DPP6: variants seen among roughly 807,000 people sequenced by gnomAD.
DPP6 encodes A-type potassium channel modulatory protein DPP6.
A neutral mutation model predicts 122.6 loss-of-function variants in DPP6; 69 were observed. The ratio of observed to expected loss-of-function variants is 0.56; its 90% confidence interval spans 0.46 to 0.69. The LOEUF (loss-of-function observed/expected upper bound fraction) is 0.69, where lower values mean the gene tolerates loss of function less well. Ranked by LOEUF, DPP6 falls within the 30% of genes least tolerant of loss-of-function variation. DPP6 has a pLI of 0.00. For missense variants in DPP6, 928 were observed against 1,116.9 expected, an observed-to-expected ratio of 0.83 and a Z score of 2.41; for synonymous variants, 418 against 433.1, an observed-to-expected ratio of 0.97 and a Z score of 0.43.
chr7:154,786,745 T>A (rs915147125), intron 10 of DPP6, among the ~76,000 whole-genome samples: 6 of 152,228 alleles, frequency 3.9e-5, no homozygotes, highest in Non-Finnish European at 8.8e-5. Flanking sequence ...AATCACCTTT[T>A]TTCTTTCCAA....
intron 1 of DPP6, among the ~76,000 whole-genome samples, chr7:154,118,380 A>AT (rs1253430906): frequency 1.4e-5 from 2 of 148,022 alleles, no homozygotes; most frequent in African/African-American, 2.5e-5. Context: ...ATTGGGTGTC[A>AT]TTTTTTCCAG....
chr7:154,035,216 C>T (rs1162964170), intron 1 of DPP6, among the ~76,000 whole-genome samples: 2 of 152,256 alleles, frequency 1.3e-5, no homozygotes, highest in East Asian at 1.9e-4. Context: ...GGTATCCTTA[C>T]ATGCCATCTC....
chr7:153,973,946 TAA>T (rs748291672), intron 1 of DPP6, among the ~76,000 whole-genome samples: 1 of 151,622 alleles, frequency 6.6e-6, no homozygotes, highest in Non-Finnish European at 1.5e-5. Context: ...TTGGCAATTT[TAA>T]AAGTTTTACC....
At chr7:154,210,649 GACCGCC>G (rs1799689417) in intron 1 of DPP6, among the ~76,000 whole-genome samples, 1 of 152,056 alleles carries the variant, frequency 6.6e-6, no homozygotes, top group South Asian at 2.1e-4. Context: ...TTAATGAAGT[GACCGCC>G]AGGCACCTGG....
chr7:153,772,025 T>C, the DPP6 span, among the ~76,000 whole-genome samples: 7 of 152,140 alleles, frequency 4.6e-5, no homozygotes, highest in African/African-American at 1.7e-4. Flanking sequence ...GGTGTAGGGA[T>C]CTTATAACAG....
intron 3 of DPP6, among the ~76,000 whole-genome samples, chr7:154,480,409 T>C (rs1823159211): frequency 6.6e-6 from 1 of 152,232 alleles, no homozygotes; most frequent in Non-Finnish European, 1.5e-5. Flanking sequence ...TCCAGGTTGC[T>C]AAATGCAACA....
At chr7:154,309,119 A>G (rs150249520) in intron 1 of DPP6, among the ~76,000 whole-genome samples, 9 of 152,374 alleles carry the variant, frequency 5.9e-5, no homozygotes, top group Non-Finnish European at 1.3e-4. Flanking sequence ...GCCTTTCCTC[A>G]AAAGATCTCC....
chr7:154,249,465 A>G (rs2150892436), intron 1 of DPP6, among the ~76,000 whole-genome samples: 1 of 152,352 alleles, frequency 6.6e-6, no homozygotes, highest in Non-Finnish European at 1.5e-5. Flanking sequence ...ACTCTTGCAA[A>G]CATCCGGTGT....
intron 20 of DPP6, among the ~76,000 whole-genome samples, chr7:154,880,090 T>C (rs1447855827): frequency 6.6e-6 from 1 of 152,242 alleles, no homozygotes; most frequent in Non-Finnish European, 1.5e-5. Context: ...CATTATGGCT[T>C]GGCTTGAGGT....
intron 10 of DPP6, among the ~76,000 whole-genome samples, chr7:154,778,107 T>C (rs1796697715): frequency 6.6e-6 from 1 of 152,200 alleles, no homozygotes; most frequent in African/African-American, 2.4e-5. Context: ...CTCTGTGTTT[T>C]TGTAAAGCCT....
intron 6 of DPP6, among the ~76,000 whole-genome samples, chr7:154,641,622 TTCTA>T (rs753225962): frequency 2.5e-4 from 38 of 152,276 alleles, no homozygotes; most frequent in East Asian, 9.7e-4. Flanking sequence ...CTACCTAGCT[TTCTA>T]TCTATCTATA....
chr7:154,260,916 G>C (rs1311465261), intron 1 of DPP6, among the ~76,000 whole-genome samples: 4 of 151,328 alleles, frequency 2.6e-5, no homozygotes, highest in Non-Finnish European at 2.9e-5. Context: ...TGTTTGTTTA[G>C]ATGGAGTCTC....
chr7:153,767,133 G>C, the DPP6 span, among the ~76,000 whole-genome samples: 2 of 152,148 alleles, frequency 1.3e-5, no homozygotes, highest in Admixed American at 1.3e-4. Context: ...AAAAGTAAAT[G>C]GTGTGTGAAG....
intron 1 of DPP6, among the ~76,000 whole-genome samples, chr7:154,399,753 C>T (rs1215910965): frequency 6.6e-6 from 1 of 152,094 alleles, no homozygotes; most frequent in East Asian, 1.9e-4. Context: ...GGGGGAGGGA[C>T]CCATCAGTTG....
chr7:153,937,747 C>T (rs1801523717), intron 1 of DPP6, among the ~76,000 whole-genome samples: 1 of 152,100 alleles, frequency 6.6e-6, no homozygotes, highest in Admixed American at 6.5e-5. Flanking sequence ...GTGCCCAGCC[C>T]AGAGCTACCT....
the DPP6 span, among the ~76,000 whole-genome samples, chr7:153,771,639 C>A: frequency 6.6e-6 from 1 of 152,146 alleles, no homozygotes; most frequent in Admixed American, 6.5e-5. Context: ...CACACCTGGC[C>A]CCCCTGAAGT....
intron 1 of DPP6, among the ~76,000 whole-genome samples, chr7:154,277,203 A>G (rs1037550394): frequency 3.3e-5 from 5 of 152,206 alleles, no homozygotes; most frequent in Non-Finnish European, 1.5e-5. Flanking sequence ...CCTGGAAAGC[A>G]CCATGAGTAT....
At chr7:154,836,306 G>A (rs1801049793) in intron 16 of DPP6, among the ~76,000 whole-genome samples, 9 of 152,174 alleles carry the variant, frequency 5.9e-5, no homozygotes, top group Admixed American at 5.9e-4. Flanking sequence ...TCTCTCTTCT[G>A]CCAGTATTTT....
At chr7:154,749,277 C>T (rs1203502989) in intron 8 of DPP6, among the ~76,000 whole-genome samples, 1 of 118,828 alleles carries the variant, frequency 8.4e-6, no homozygotes, top group African/African-American at 3.2e-5. Context: ...GAGCATAGGA[C>T]AGGAGGGAGA....
Sources: allele counts gnomAD v4.1 joint callset (sites outside exome capture counted in the v4.1 genomes callset), GRCh38; gene constraint gnomAD v4.1.1; transcripts MANE v1.5; gene names NCBI Gene and HGNC (gene_info 2026-07-23, HGNC 2026-07-21).